The following TMEM117 variants were observed in gnomAD, a reference collection of about 807,000 sequenced individuals.
TMEM117 encodes transmembrane protein 117.
A neutral mutation model predicts 52.4 loss-of-function variants in TMEM117; 27 were observed. That is an observed-to-expected ratio of 0.51 (90% confidence interval 0.38 to 0.71). The LOEUF (loss-of-function observed/expected upper bound fraction) is 0.71. Ranked by LOEUF, TMEM117 falls within the 30% of genes least tolerant of loss-of-function variation. The pLI is 0.00. For missense variants in TMEM117, 556 were observed against 630.5 expected (o/e 0.88, Z 1.26); for synonymous variants, 215 against 206.3 (o/e 1.04, Z -0.36).
intron 2 of TMEM117, among the ~76,000 whole-genome samples, chr12:43,909,641 A>AT (rs1242159933): frequency 2.0e-5 from 3 of 152,144 alleles, no homozygotes; most frequent in African/African-American, 7.2e-5. Context: ...AATAGATGCA[A>AT]TAAAAAATGA....
chr12:44,090,401 TATTTATTTATTTATTTA>T (rs1191710337), intron 3 of TMEM117, among the ~76,000 whole-genome samples: 2 of 25,478 alleles, frequency 7.8e-5, no homozygotes, highest in African/African-American at 1.7e-4. Flanking sequence ...TCTTACTTTT[TATTTATTTATTTATTTA>T]TTTATTTATT....
chr12:43,985,304 C>T (rs1945829666), intron 3 of TMEM117, among the ~76,000 whole-genome samples: 1 of 151,760 alleles, frequency 6.6e-6, no homozygotes. Flanking sequence ...AGTAAAATTG[C>T]AATGAAACAT....
chr12:43,973,154 G>GT lies in TMEM117; in HGVS notation c.410+28819dup, dbSNP rs553057198. On this transcript the variant is annotated intron_variant, in intron 3 of 7. Transcript: ENST00000266534. ...TCCTAGGGTTTCATGAAGAAAAAAG[G>GT]TTTTTTTCTGAAAACAGGTTTTTTC... 8.5e-5 allele frequency among the ~76,000 whole-genome samples: 13 copies of GT among 152,114 alleles called. 1 individual carries two copies. In the South Asian group the frequency reaches 2.5e-3, roughly 29 times the overall value.
intron 3 of TMEM117, among the ~76,000 whole-genome samples, chr12:43,982,445 G>C (rs551059754): frequency 2.6e-5 from 4 of 152,042 alleles, no homozygotes; most frequent in Non-Finnish European, 2.9e-5. Context: ...GGAAAATATG[G>C]TTACTGCTAA....
At chr12:44,155,272 A>G (rs989165218) in intron 4 of TMEM117, among the ~76,000 whole-genome samples, 8 of 152,128 alleles carry the variant, frequency 5.3e-5, no homozygotes, top group Non-Finnish European at 8.8e-5. Flanking sequence ...TATACGAAAC[A>G]CATGTAAAGT....
chr12:44,373,948 AT>A (rs1951902233), intron 6 of TMEM117, among the ~76,000 whole-genome samples: 1 of 151,486 alleles, frequency 6.6e-6, no homozygotes, highest in South Asian at 2.1e-4. Flanking sequence ...CACCTGGCTA[AT>A]TTTTGTATTT....
intron 3 of TMEM117, among the ~76,000 whole-genome samples, chr12:44,046,741 C>T (rs1472620056): frequency 6.6e-6 from 1 of 152,116 alleles, no homozygotes; most frequent in Non-Finnish European, 1.5e-5. Flanking sequence ...CGTGTTTGTG[C>T]ATGTATAGAC....
At chr12:43,946,138 C>G (rs1044898955) in intron 3 of TMEM117, among the ~76,000 whole-genome samples, 1 of 152,122 alleles carries the variant, frequency 6.6e-6, no homozygotes, top group Non-Finnish European at 1.5e-5. Context: ...TAACCTATGG[C>G]TAGTCAGAAT....
intron 6 of TMEM117, among the ~76,000 whole-genome samples, chr12:44,306,326 G>A (rs1333613311): frequency 6.6e-6 from 1 of 152,030 alleles, no homozygotes; most frequent in Non-Finnish European, 1.5e-5. Context: ...GAAAGTAGAT[G>A]ATAAACCTAG....
intron 3 of TMEM117, among the ~76,000 whole-genome samples, chr12:44,121,626 G>A (rs917363329): frequency 2.6e-5 from 4 of 152,060 alleles, no homozygotes; most frequent in African/African-American, 7.3e-5. Flanking sequence ...TATGTTATCG[G>A]TTTGGCTTCC....
At chr12:43,916,463 T>C (rs567821154) in intron 2 of TMEM117, among the ~76,000 whole-genome samples, 111 of 152,338 alleles carry the variant, frequency 7.3e-4, no homozygotes, top group Middle Eastern at 3.4e-3. Context: ...ATAATGATTC[T>C]ACCCCATCTA....
the TMEM117 span, chr12:43,797,410 T>C: frequency 1.2e-6 from 2 of 1,600,090 alleles, no homozygotes; most frequent in Non-Finnish European, 1.7e-6. Context: ...TCTGTATTTG[T>C]TGTGTTGGCC....
In TMEM117 at chr12:44,329,419, C is replaced by T. The variant is rs532973745; in HGVS notation, c.768+29680C>T. ...AACTTCACGTAGCCAGAATAGTCTTCAGAAAGATGTACATAAAGCTGTAAT... is the reference window on the plus strand; with the variant it reads ...AACTTCACGTAGCCAGAATAGTCTTTAGAAAGATGTACATAAAGCTGTAAT... On this transcript the variant is annotated intron_variant, in intron 6 of 7. Coordinates refer to ENST00000266534, the MANE Select transcript of TMEM117 (RefSeq NM_032256.3). Among the ~76,000 whole-genome samples, 6 of 152,210 alleles carry T rather than the reference C, an allele frequency of 3.9e-5. No homozygotes were observed. The East Asian group carries it at 1.2e-3, about 29-fold the overall frequency.
chr12:44,371,535 T>A (rs1798032), intron 6 of TMEM117, among the ~76,000 whole-genome samples: 1 of 152,226 alleles, frequency 6.6e-6, no homozygotes, highest in South Asian at 2.1e-4. Flanking sequence ...TCTGATACTA[T>A]GGCTTTAGTT....
chr12:44,256,124 A>G (rs938180803), intron 5 of TMEM117, among the ~76,000 whole-genome samples: 1 of 151,926 alleles, frequency 6.6e-6, no homozygotes, highest in African/African-American at 2.4e-5. Flanking sequence ...AAAAATAAAC[A>G]TAAACACATA....
intron 3 of TMEM117, among the ~76,000 whole-genome samples, chr12:43,945,194 T>C (rs577086642): frequency 6.9e-6 from 1 of 144,594 alleles, no homozygotes; most frequent in Non-Finnish European, 1.5e-5. Context: ...ATCAAATCAC[T>C]AAGACATGAA....
intron 4 of TMEM117, among the ~76,000 whole-genome samples, chr12:44,179,594 C>A (rs1404732479): frequency 6.6e-6 from 1 of 152,224 alleles, no homozygotes; most frequent in African/African-American, 2.4e-5. Context: ...CTGCTTTGTT[C>A]CAGCCTTGCT....
At chr12:44,159,405 T>C (rs1415133609) in intron 4 of TMEM117, among the ~76,000 whole-genome samples, 1 of 152,152 alleles carries the variant, frequency 6.6e-6, no homozygotes, top group Non-Finnish European at 1.5e-5. Flanking sequence ...AGACTTTTTT[T>C]TTTAACCAAA....
intron 3 of TMEM117, among the ~76,000 whole-genome samples, chr12:44,014,653 C>T (rs942669383): frequency 1.3e-5 from 2 of 152,142 alleles, no homozygotes; most frequent in African/African-American, 4.8e-5. Context: ...GGTGTACTCT[C>T]TTGTACTATA....
Sources: gnomAD v4.1 joint callset for allele counts (sites outside exome capture counted in the v4.1 genomes callset) on GRCh38, gnomAD v4.1.1 for gene constraint, MANE v1.5 for transcripts, NCBI Gene and HGNC (gene_info 2026-07-23, HGNC 2026-07-21) for gene names.